The following MCCC1 variants were observed in gnomAD, a reference collection of about 807,000 sequenced individuals.
MCCC1 encodes methylcrotonyl-CoA carboxylase subunit 1, also known as methylcrotonoyl-CoA carboxylase subunit alpha, mitochondrial.
MCCC1 carries 64 observed loss-of-function variants against 83.8 expected under a neutral mutation model. That is an observed-to-expected ratio of 0.76 (90% CI 0.62 to 0.94). The LOEUF (loss-of-function observed/expected upper bound fraction) is 0.94, where lower values mean the gene tolerates loss of function less well. Among genes scored for constraint, MCCC1 ranks in the 40% least tolerant of loss-of-function variants. MCCC1 has a pLI of 0.00. For synonymous variants in MCCC1, 322 were observed against 315.4 expected (o/e 1.02, Z -0.22); for missense variants, 807 against 904.7 (o/e 0.89, Z 1.39).
Position 183,045,397 on chromosome 3 carries a change from G to GA in MCCC1, c.1083+15dup, listed in dbSNP as rs377092260. On this transcript the variant is annotated intron_variant, in intron 10 of 18. Coordinates refer to ENST00000265594, the MANE Select transcript of MCCC1 (RefSeq NM_020166.5). ...ACCCAGCCAAGGCTGATTTTTAATAGAAAAAATATTCTCACTCTAAGCTGC... is the reference window on the plus strand; with the variant it reads ...ACCCAGCCAAGGCTGATTTTTAATAGAAAAAAATATTCTCACTCTAAGCTGC... The GA allele has an allele frequency of 2.3e-4, 379 of 1,613,452 alleles. 1 individual carries two copies. The African/African-American group carries it at 2.5e-3, about 10-fold the overall frequency.
At chr3:183,070,940 T>C (rs1716622289) in intron 7 of MCCC1, 59 bp downstream of exon 7, 1 of 1,525,296 alleles carries the variant, frequency 6.6e-7, no homozygotes, top group Admixed American at 1.9e-5. Flanking sequence ...AGAATGTGCA[T>C]GCATTATTTT....
At chr3:183,045,714 T>G (rs893230732) in intron 9 of MCCC1, among the ~76,000 whole-genome samples, 174 bp from the exon 10 acceptor site, 1 of 152,120 alleles carries the variant, frequency 6.6e-6, no homozygotes, top group African/African-American at 2.4e-5. Context: ...TAGTCAAAAA[T>G]AGAGAGCTGC....
At chr3:183,083,233 C>G (rs1717644241) in intron 4 of MCCC1, among the ~76,000 whole-genome samples, 1 of 152,144 alleles carries the variant, frequency 6.6e-6, no homozygotes, top group Non-Finnish European at 1.5e-5. Flanking sequence ...TTAAAGTCAA[C>G]ATTAAAGGAA....
Position 183,039,012 on chromosome 3 carries a change from C to A in MCCC1, c.1377+14G>T. 1 of 1,611,446 alleles carries A rather than the reference C, an allele frequency of 6.2e-7. No individual in the cohort carries two copies. The highest frequency in any genetic ancestry group is 8.5e-7 in the Non-Finnish European group (1 of 1,177,576). The stretch of plus-strand genomic sequence containing the variant: ...AACACATCAAGGTCACTGGCACGGT[C>A]TCAGATCACTCACATTGTACTGACG... On this transcript the variant is annotated intron_variant, in intron 12 of 18. Transcript: ENST00000265594.
At position 183,039,008 on chromosome 3, in the gene MCCC1, C is replaced by T. The variant is rs1373677740; in HGVS notation, c.1377+18G>A. Reference sequence around the variant, plus strand: ...ACCAAACACATCAAGGTCACTGGCACGGTCTCAGATCACTCACATTGTACT... The same window carrying T: ...ACCAAACACATCAAGGTCACTGGCATGGTCTCAGATCACTCACATTGTACT... On this transcript the variant is annotated intron_variant, in intron 12 of 18. Coordinates refer to ENST00000265594, the MANE Select transcript of MCCC1 (RefSeq NM_020166.5). 24 of 1,608,606 alleles carry T rather than the reference C, an allele frequency of 1.5e-5. No homozygotes were observed. Among genetic ancestry groups the T allele is most frequent in the East Asian group, 4.5e-5 (2 of 44,880 alleles).
upstream of MCCC1, among the ~76,000 whole-genome samples, chr3:183,102,758 G>GTTTGT (rs1719334917): frequency 3.8e-5 from 2 of 52,222 alleles, no homozygotes; most frequent in Admixed American, 2.8e-4. Context: ...AGCAGAGAAA[G>GTTTGT]TTTTTTTTTT....
chr3:183,040,985 C>T (rs1714033035), intron 11 of MCCC1, among the ~76,000 whole-genome samples: 1 of 152,138 alleles, frequency 6.6e-6, no homozygotes, highest in Non-Finnish European at 1.5e-5. Context: ...ATCTAGAAAA[C>T]AGGGATGATA....
At chr3:183,101,259 C>T (rs1322635141), upstream of MCCC1, among the ~76,000 whole-genome samples, 1 of 152,244 alleles carries the variant, frequency 6.6e-6, no homozygotes, top group Non-Finnish European at 1.5e-5. Context: ...GTCCCATCGA[C>T]CACCCAAGAG....
intron 3 of MCCC1, among the ~76,000 whole-genome samples, chr3:183,087,015 A>G (rs1941302991): frequency 1.3e-5 from 2 of 152,258 alleles, no homozygotes; most frequent in Non-Finnish European, 2.9e-5. Context: ...GTTTTCATGC[A>G]TAAGCCACAC....
intron 4 of MCCC1, among the ~76,000 whole-genome samples, chr3:183,081,373 C>T (rs1717482956): frequency 6.6e-6 from 1 of 152,172 alleles, no homozygotes; most frequent in Admixed American, 6.6e-5. Context: ...ATCTCTTGTC[C>T]TCCTTAAATC....
intron 1 of MCCC1, among the ~76,000 whole-genome samples, chr3:183,098,198 C>T (rs1718883532): frequency 2.0e-5 from 3 of 152,310 alleles, no homozygotes; most frequent in South Asian, 2.1e-4. Context: ...CAAAGTGCTG[C>T]GATTACAGGC....
intron 9 of MCCC1, among the ~76,000 whole-genome samples, chr3:183,046,843 T>C (rs1646765023): frequency 6.6e-6 from 1 of 152,222 alleles, no homozygotes; most frequent in Non-Finnish European, 1.5e-5. Flanking sequence ...GGCAAGCTGC[T>C]TGTCCTCAGA....
At chr3:183,043,274 CA>C in intron 10 of MCCC1, among the ~76,000 whole-genome samples, 1 of 152,318 alleles carries the variant, frequency 6.6e-6, no homozygotes, top group African/African-American at 2.4e-5. Context: ...GCAAAAAGAG[CA>C]AAACTCTGTC....
intron 14 of MCCC1, among the ~76,000 whole-genome samples, chr3:183,030,641 G>T (rs1712985233): frequency 6.6e-6 from 1 of 152,100 alleles, no homozygotes; most frequent in Admixed American, 6.5e-5. Context: ...GTTCACAAAA[G>T]TCAAATACTA....
intron 9 of MCCC1, among the ~76,000 whole-genome samples, chr3:183,050,705 C>CAAAAA (rs746973567): frequency 5.1e-4 from 22 of 43,394 alleles, no homozygotes; most frequent in African/African-American, 6.4e-4. Context: ...GACTCTGTCT[C>CAAAAA]AAAAAAAAAA....
chr3:183,049,021 C>A (rs1403779846), intron 9 of MCCC1, among the ~76,000 whole-genome samples: 1 of 152,030 alleles, frequency 6.6e-6, no homozygotes, highest in Non-Finnish European at 1.5e-5. Flanking sequence ...AAAGAAATCT[C>A]AAGAAAAAAT....
At chr3:183,075,373 C>T (rs1716989983) in intron 4 of MCCC1, among the ~76,000 whole-genome samples, 1 of 152,094 alleles carries the variant, frequency 6.6e-6, no homozygotes, top group Non-Finnish European at 1.5e-5. Context: ...CTCCTGACAT[C>T]TGTTATTTTT....
At position 183,044,475 on chromosome 3, in the gene MCCC1, A is replaced by G. The variant is rs544453583; in HGVS notation, c.1083+938T>C. 7.2e-5 allele frequency among the ~76,000 whole-genome samples: 11 copies of G among 152,240 alleles called. No homozygotes were observed. The East Asian group carries it at 1.3e-3, about 19-fold the overall frequency. ...AAAAGTTTCCAAACATTTACTCTGA[A>G]TGAACATTTACTCATGGGCCCGCAA... On this transcript the variant is annotated intron_variant, in intron 10 of 18. Transcript: ENST00000265594.
Position 183,037,450 on chromosome 3 carries a change from A to C in MCCC1, c.1378-16T>G. The C allele has an allele frequency of 6.3e-7, 1 of 1,597,380 alleles. No homozygotes were observed. The highest frequency in any genetic ancestry group is 8.6e-7 in the Non-Finnish European group (1 of 1,164,726). ...GTCCAACAATCTAGGAAGAGAATAA[A>C]CCCCCAGTTCCTGCTGAGTGGGGAA... is the stretch of plus-strand genomic sequence containing the variant. On this transcript the variant is annotated splice_polypyrimidine_tract_variant and intron_variant, in intron 12 of 18. Transcript: ENST00000265594.
Sources: gnomAD v4.1 joint callset for allele counts (sites outside exome capture counted in the v4.1 genomes callset) on GRCh38, gnomAD v4.1.1 for gene constraint, MANE v1.5 for transcripts, NCBI Gene and HGNC (gene_info 2026-07-23, HGNC 2026-07-21) for gene names.